The following ITGA1 variants were observed in gnomAD, a reference collection of about 807,000 sequenced individuals.
ITGA1 encodes the protein integrin alpha-1.
A neutral mutation model predicts 145.9 loss-of-function variants in ITGA1; 85 were observed. The ratio of observed to expected loss-of-function variants is 0.58; its 90% CI spans 0.49 to 0.70. The LOEUF is 0.70. ITGA1 is among the 30% of genes least tolerant of loss of function. The pLI is 0.00. For missense variants in ITGA1, 1,351 were observed against 1,418.7 expected, an observed-to-expected ratio of 0.95 and a Z score of 0.77; for synonymous variants, 520 against 495.3, an observed-to-expected ratio of 1.05 and a Z score of -0.66.
intron 12 of ITGA1, among the ~76,000 whole-genome samples, chr5:52,906,892 G>A (rs1285822418): frequency 2.6e-5 from 4 of 152,164 alleles, no homozygotes; most frequent in East Asian, 1.9e-4. Context: ...AACTGCACTC[G>A]CTTTAAAGCC....
chr5:52,817,751 T>G (rs1016922598), intron 1 of ITGA1, among the ~76,000 whole-genome samples: 2 of 152,248 alleles, frequency 1.3e-5, no homozygotes, highest in Admixed American at 6.5e-5. Flanking sequence ...TAGTACAGAC[T>G]TATAAAGATA....
chr5:52,888,208 A>G (rs976702121), intron 8 of ITGA1, among the ~76,000 whole-genome samples: 1 of 152,060 alleles, frequency 6.6e-6, no homozygotes, highest in Non-Finnish European at 1.5e-5. Context: ...AAGGAAGAAA[A>G]TAAGGAAACA....
chr5:52,881,670 A>G (rs1749961914), intron 6 of ITGA1, among the ~76,000 whole-genome samples: 1 of 152,260 alleles, frequency 6.6e-6, no homozygotes, highest in Non-Finnish European at 1.5e-5. Context: ...GAAGTTTAGT[A>G]ACAGCATGTT....
intron 14 of ITGA1, among the ~76,000 whole-genome samples, chr5:52,912,754 A>ATATTT (rs1554046530): frequency 4.3e-5 from 6 of 139,422 alleles, no homozygotes; most frequent in African/African-American, 1.7e-4. Context: ...ATATATATAT[A>ATATTT]TTTTTTTTTT....
chr5:52,832,765 C>CTGTGTGTGTGTGTGTGTGTGTGTCTG (rs1749091189), intron 1 of ITGA1, among the ~76,000 whole-genome samples: 1 of 86,752 alleles, frequency 1.2e-5, no homozygotes, highest in Non-Finnish European at 2.4e-5. Flanking sequence ...ATATATAAAT[C>CTGTGTGTGTGTGTGTGTGTGTGTCTG]TGTGTGTGTG....
At chr5:52,872,739 C>G (rs1172505495) in intron 6 of ITGA1, among the ~76,000 whole-genome samples, 2 of 152,014 alleles carry the variant, frequency 1.3e-5, no homozygotes, top group Admixed American at 1.3e-4. Context: ...TCATGAAGTG[C>G]TGTGCTCTTG....
At chr5:52,952,381 T>G in intron 28 of ITGA1, 26 bp from the exon 29 acceptor site, 1 of 1,317,170 alleles carries the variant, frequency 7.6e-7, no homozygotes. Context: ...TAGTTAATTG[T>G]GTTATGTTTT....
At chr5:52,838,358 G>A (rs1749196583) in intron 1 of ITGA1, among the ~76,000 whole-genome samples, 1 of 152,104 alleles carries the variant, frequency 6.6e-6, no homozygotes, top group African/African-American at 2.4e-5. Flanking sequence ...AAAGCTACTA[G>A]GTGACTCTAG....
At chr5:52,901,022 T>G (rs1006974240) in intron 11 of ITGA1, among the ~76,000 whole-genome samples, 1 of 152,222 alleles carries the variant, frequency 6.6e-6, no homozygotes, top group African/African-American at 2.4e-5. Flanking sequence ...ATACTTTGCA[T>G]GGCAAAAGGG....
At chr5:52,914,088 T>C (rs550144656) in intron 14 of ITGA1, among the ~76,000 whole-genome samples, 1 of 152,344 alleles carries the variant, frequency 6.6e-6, no homozygotes, top group Admixed American at 6.5e-5. Context: ...CATTGTCAGA[T>C]GAAATAGATT....
chr5:52,800,527 C>G, intron 1 of ITGA1: 1 of 1,614,080 alleles, frequency 6.2e-7, no homozygotes, highest in Non-Finnish European at 8.5e-7. Context: ...CTCCACCATC[C>G]GCAAGGTACA....
Position 52,865,818 on chromosome 5 carries a change from G to C in ITGA1, c.624+1G>C. The C allele has an allele frequency of 6.4e-7, 1 of 1,567,834 alleles. No homozygotes were observed. The highest frequency in any genetic ancestry group is 8.6e-7 in the Non-Finnish European group (1 of 1,164,360). On this transcript the variant is annotated splice_donor_variant, in intron 6 of 28. Transcript: ENST00000282588. LOFTEE classifies it high-confidence loss of function. ...GGATATTGGTCCTAAACAGACACAGGTATGTGACTTTGTGTTTTGATTTCT... is the reference window on the plus strand; with the variant it reads ...GGATATTGGTCCTAAACAGACACAGCTATGTGACTTTGTGTTTTGATTTCT...
intron 1 of ITGA1, among the ~76,000 whole-genome samples, chr5:52,798,385 C>T (rs556887897): frequency 6.2e-5 from 8 of 128,880 alleles, no homozygotes; most frequent in African/African-American, 2.4e-4. Flanking sequence ...ACCTTTCCGT[C>T]CCCTGATAAT....
chr5:52,945,118 C>T (rs746214417), intron 27 of ITGA1, 83 bp downstream of exon 27: 44 of 1,023,712 alleles, frequency 4.3e-5, no homozygotes, highest in Non-Finnish European at 6.4e-5. Context: ...TTGATAGTCC[C>T]TTAAGCAGTG....
chr5:52,926,579 T>C lies in ITGA1; in HGVS notation c.2614-1005T>C, dbSNP rs533147310. Among the ~76,000 whole-genome samples the C allele has an allele frequency of 7.6e-4, 115 of 152,194 alleles. 1 individual carries two copies. In the East Asian group the frequency reaches 0.017, roughly 23 times the overall value. ...ATTGCACCACTGCACTCCAGCCTGG[T>C]GACAGAGGGAGAACAAGACTCTGTC... On this transcript the variant is annotated intron_variant, in intron 19 of 28. Coordinates refer to ENST00000282588, the MANE Select transcript of ITGA1 (RefSeq NM_181501.2).
intron 1 of ITGA1, chr5:52,800,010 C>A (rs765946862): frequency 2.7e-4 from 74 of 277,946 alleles, no homozygotes; most frequent in Non-Finnish European, 2.2e-4. Flanking sequence ...AGTGCGCCTG[C>A]GCACGCGCGA....
chr5:52,844,679 A>G (rs996417275), intron 1 of ITGA1, among the ~76,000 whole-genome samples: 4 of 152,210 alleles, frequency 2.6e-5, no homozygotes, highest in African/African-American at 9.6e-5. Flanking sequence ...AATTGCTGGT[A>G]CATGTGAAAT....
intron 19 of ITGA1, among the ~76,000 whole-genome samples, chr5:52,926,895 T>C (rs1301698325): frequency 6.6e-6 from 1 of 152,212 alleles, no homozygotes; most frequent in Non-Finnish European, 1.5e-5. Flanking sequence ...CTTTTGTAAG[T>C]AGGTATGACT....
chr5:52,908,978 C>A lies in ITGA1; in HGVS notation c.1536C>A (p.Ala512=). 1 of 1,613,696 alleles carries A rather than the reference C, an allele frequency of 6.2e-7. No homozygotes were observed. The highest frequency in any genetic ancestry group is 8.5e-7 in the Non-Finnish European group (1 of 1,179,764). Residue 512 remains alanine, a synonymous_variant, in exon 13 of 29, where the codon GCC becomes GCA. Coordinates refer to ENST00000282588, the MANE Select transcript of ITGA1 (RefSeq NM_181501.2). ...DSNTDILLVG[A]PMYMGTEKEE... ...ATACTGACATTCTTCTAGTCGGAGC[C>A]CCTATGTACATGGGAACAGAGAAGG...
Sources: allele counts gnomAD v4.1 joint callset (sites outside exome capture counted in the v4.1 genomes callset), GRCh38; gene constraint gnomAD v4.1.1; transcripts MANE v1.5; gene names NCBI Gene and HGNC (gene_info 2026-07-23, HGNC 2026-07-21).